The following PCYT1B variants were observed in gnomAD, a reference collection of about 807,000 sequenced individuals.
The protein encoded by PCYT1B is phosphate cytidylyltransferase 1B, choline.
A neutral mutation model predicts 26.4 loss-of-function variants in PCYT1B; 10 were observed. The ratio of observed to expected loss-of-function variants is 0.38; its 90% CI spans 0.23 to 0.64. PCYT1B has a LOEUF of 0.64. PCYT1B is among the 30% of genes least tolerant of loss of function. PCYT1B has a pLI of 0.56. For synonymous variants in PCYT1B, 131 were observed against 108.4 expected (o/e 1.21, Z -1.29); for missense variants, 161 against 292.7 (o/e 0.55, Z 3.28).
intron 3 of PCYT1B, among the ~76,000 whole-genome samples, chrX:24,598,245 T>C (rs1197769095): frequency 8.9e-6 from 1 of 111,930 alleles, no homozygotes; most frequent in Non-Finnish European, 1.9e-5. Context: ...ATTTATTCTA[T>C]TTACAGGTCA....
chrX:24,644,835 G>A (rs1027002856), intron 1 of PCYT1B, among the ~76,000 whole-genome samples: 4 of 111,829 alleles, frequency 3.6e-5, no homozygotes, highest in African/African-American at 6.5e-5. Context: ...CAAGGTGGGC[G>A]GATCACCTGA....
In PCYT1B at chrX:24,583,720, G is replaced by A. The variant is rs1398847468; in HGVS notation, c.565+3521C>T. On this transcript the variant is annotated intron_variant, in intron 5 of 7. Coordinates refer to ENST00000379144, the MANE Select transcript of PCYT1B (RefSeq NM_004845.5). ...GCTTATTCCTATACACTATAAGGTA[G>A]CCAAGGAACTACTGCCCCCAGGAAA... is the stretch of plus-strand genomic sequence containing the variant. 4.5e-5 allele frequency among the ~76,000 whole-genome samples: 5 copies of A among 111,886 alleles called. No homozygotes were observed. The South Asian group carries it at 1.5e-3, about 33-fold the overall frequency.
Position 24,647,200 on chromosome X carries a change from C to T in PCYT1B, c.-95G>A. 9.1e-7 allele frequency: 1 copy of T among 1,102,462 alleles called. No individual in the cohort carries two copies. The highest frequency in any genetic ancestry group is 1.2e-6 in the Non-Finnish European group (1 of 839,583). 90.9% of individuals were successfully genotyped at this position (1,102,462 alleles called of 1,213,427 possible). A position where few individuals can be genotyped will look rare whatever the true frequency, so the allele number is the denominator to read the frequency against. ...GTCACGTATTTTTCTCCCCTCTACC[C>T]TCCACCCATCCCCCCGCTTCTTCTC... On this transcript the variant is annotated 5_prime_UTR_variant, in exon 1 of 8. Coordinates refer to ENST00000379144, the MANE Select transcript of PCYT1B (RefSeq NM_004845.5).
intron 1 of PCYT1B, among the ~76,000 whole-genome samples, chrX:24,666,278 T>C (rs1267982665): frequency 9.0e-6 from 1 of 111,183 alleles, no homozygotes; most frequent in Non-Finnish European, 1.9e-5. Flanking sequence ...AGACATTTAC[T>C]AAGCATGTTG....
At chrX:24,663,525 A>G (rs1025483488) in intron 1 of PCYT1B, among the ~76,000 whole-genome samples, 10 of 112,495 alleles carry the variant, frequency 8.9e-5, no homozygotes, top group African/African-American at 2.9e-4. Context: ...TGTTATCTGG[A>G]CAAGTAATTT....
chrX:24,627,361 TCTCA>T (rs1361540754), intron 1 of PCYT1B, among the ~76,000 whole-genome samples: 3 of 110,874 alleles, frequency 2.7e-5, no homozygotes, highest in Non-Finnish European at 5.7e-5. Context: ...TGAGAGGGAG[TCTCA>T]CTCTGTTGCC....
intron 2 of PCYT1B, among the ~76,000 whole-genome samples, chrX:24,618,422 A>G (rs1301305140): frequency 9.0e-6 from 1 of 111,563 alleles, no homozygotes; most frequent in Non-Finnish European, 1.9e-5. Context: ...GACTTGCCCA[A>G]GGCTGTAGAA....
intron 1 of PCYT1B, among the ~76,000 whole-genome samples, chrX:24,620,394 C>A (rs1019905485): frequency 1.8e-5 from 2 of 111,624 alleles, no homozygotes; most frequent in Non-Finnish European, 3.8e-5. Context: ...TGTCTGGAGG[C>A]CTCCCAGTTA....
intron 3 of PCYT1B, among the ~76,000 whole-genome samples, chrX:24,590,815 A>G (rs1188609117): frequency 1.2e-5 from 1 of 85,216 alleles, no homozygotes; most frequent in Non-Finnish European, 2.2e-5. Flanking sequence ...TTTTTTTGAG[A>G]CAGAGTCTCG....
chrX:24,637,509 T>TATATATATAAGA (rs779316769), intron 1 of PCYT1B, among the ~76,000 whole-genome samples: 1 of 64,093 alleles, frequency 1.6e-5, no homozygotes. Context: ...TATATATATA[T>TATATATATAAGA]ATAAATTAGC....
At chrX:24,563,915 C>T (rs1207520134) in intron 7 of PCYT1B, among the ~76,000 whole-genome samples, 1 of 111,549 alleles carries the variant, frequency 9.0e-6, no homozygotes, top group Non-Finnish European at 1.9e-5. Flanking sequence ...GGCGCGGTGG[C>T]TTATGCCTGC....
At chrX:24,629,573 A>C (rs927131684) in intron 1 of PCYT1B, among the ~76,000 whole-genome samples, 1 of 99,429 alleles carries the variant, frequency 1.0e-5, no homozygotes, top group Non-Finnish European at 2.1e-5. Context: ...AAAAAAAAAA[A>C]AAAAAAAAAA....
At chrX:24,619,108 A>G in intron 1 of PCYT1B, 24 bp from the exon 2 acceptor site, 1 of 1,073,210 alleles carries the variant, frequency 9.3e-7, no homozygotes, top group Non-Finnish European at 1.3e-6. Context: ...AAAGAAAGGG[A>G]ATACAGTCTG....
chrX:24,571,708 G>T (rs758127932), intron 7 of PCYT1B, among the ~76,000 whole-genome samples: 63 of 111,560 alleles, frequency 5.6e-4, no homozygotes, highest in African/African-American at 1.9e-3. Flanking sequence ...CTTGAGCCCA[G>T]GAGTTCGAGG....
intron 6 of PCYT1B, among the ~76,000 whole-genome samples, chrX:24,578,257 G>C (rs924476620): frequency 9.2e-6 from 1 of 108,737 alleles, no homozygotes; most frequent in African/African-American, 3.4e-5. Flanking sequence ...CAAACACCGC[G>C]TGTTCTCACT....
intron 7 of PCYT1B, among the ~76,000 whole-genome samples, chrX:24,566,830 G>C (rs1472848075): frequency 1.8e-5 from 2 of 111,326 alleles, no homozygotes; most frequent in African/African-American, 3.3e-5. Flanking sequence ...ATGGCTGATT[G>C]CTCAGGTCTT....
At chrX:24,636,136 T>G (rs1461783927) in intron 1 of PCYT1B, among the ~76,000 whole-genome samples, 1 of 112,272 alleles carries the variant, frequency 8.9e-6, no homozygotes, top group East Asian at 2.8e-4. Context: ...CTGAGCACTT[T>G]GAAGCTCTGT....
In PCYT1B at chrX:24,562,099, A is replaced by C; in HGVS notation, c.*194T>G. 8.3e-7 allele frequency: 1 copy of C among 1,210,554 alleles called. No individual in the cohort carries two copies. ...AGGTTGTCCAGCTAGAAGTCTCTGC[A>C]CCTCGCCCAACTCTTCAGCTGTACG... On this transcript the variant is annotated 3_prime_UTR_variant, in exon 8 of 8. Coordinates refer to ENST00000379144, the MANE Select transcript of PCYT1B (RefSeq NM_004845.5).
At chrX:24,654,952 T>C (rs1602211091) in intron 1 of PCYT1B, among the ~76,000 whole-genome samples, 1 of 110,487 alleles carries the variant, frequency 9.1e-6, no homozygotes, top group African/African-American at 3.3e-5. Flanking sequence ...CTGGGCCTAA[T>C]AGTACAGGAA....
Sources: gnomAD v4.1 joint callset for allele counts (sites outside exome capture counted in the v4.1 genomes callset) on GRCh38, gnomAD v4.1.1 for gene constraint, MANE v1.5 for transcripts, NCBI Gene and HGNC (gene_info 2026-07-23, HGNC 2026-07-21) for gene names.